Variants in ADAMTS3 observed in about 807,000 individuals in gnomAD.
The protein encoded by ADAMTS3 is ADAM metallopeptidase with thrombospondin type 1 motif 3.
In ADAMTS3, 73 loss-of-function variants were observed where a neutral mutation model predicts 129.0. The ratio of observed to expected loss-of-function variants is 0.57; its 90% CI spans 0.47 to 0.69. The LOEUF (loss-of-function observed/expected upper bound fraction) is 0.69. ADAMTS3 is among the 30% of genes least tolerant of loss of function. ADAMTS3 has a pLI of 0.00. For synonymous variants in ADAMTS3, 477 were observed against 510.8 expected, an observed-to-expected ratio of 0.93 and a Z score of 0.89; for missense variants, 1,457 against 1,514.5, an observed-to-expected ratio of 0.96 and a Z score of 0.63.
Position 72,306,073 on chromosome 4 carries a change from C to A in ADAMTS3, c.2180-6G>T. Reference sequence around the variant, plus strand: ...ATCAAACATCTTAAGGTACCCTTTGCATGTGTAGTAAATATTGTAGGAAGC... The same window carrying A: ...ATCAAACATCTTAAGGTACCCTTTGAATGTGTAGTAAATATTGTAGGAAGC... On this transcript the variant is annotated splice_region_variant and splice_polypyrimidine_tract_variant and intron_variant, in intron 15 of 21. Transcript: ENST00000286657. The A allele has an allele frequency of 6.3e-7, 1 of 1,595,104 alleles. No individual in the cohort carries two copies. The highest frequency in any genetic ancestry group is 1.1e-5 in the South Asian group (1 of 88,442).
intron 17 of ADAMTS3, among the ~76,000 whole-genome samples, chr4:72,299,507 C>T (rs185838987): frequency 3.3e-5 from 5 of 152,224 alleles, no homozygotes; most frequent in African/African-American, 9.6e-5. Flanking sequence ...GGATTTCTGG[C>T]GTTTCTTAGT....
intron 4 of ADAMTS3, among the ~76,000 whole-genome samples, chr4:72,414,361 C>A (rs1865381): frequency 0.67 from 101,591 of 151,630 alleles, 34,652 homozygotes; most frequent in South Asian, 0.8. Context: ...AAAGTTTTGC[C>A]AAATAGATTT....
At chr4:72,518,701 T>G (rs1720568506) in intron 3 of ADAMTS3, among the ~76,000 whole-genome samples, 1 of 152,018 alleles carries the variant, frequency 6.6e-6, no homozygotes. Flanking sequence ...CAGATCTTCC[T>G]CTATCCTTTT....
At chr4:72,413,175 G>C (rs901211621) in intron 4 of ADAMTS3, among the ~76,000 whole-genome samples, 3 of 151,948 alleles carry the variant, frequency 2.0e-5, no homozygotes, top group African/African-American at 7.2e-5. Context: ...TTGAAATGTA[G>C]TAATAGGGTA....
chr4:72,388,765 T>A (rs1485130462), intron 4 of ADAMTS3, among the ~76,000 whole-genome samples: 2 of 152,096 alleles, frequency 1.3e-5, no homozygotes, highest in Non-Finnish European at 1.5e-5. Flanking sequence ...CAGCATATAG[T>A]CCTGTTCATG....
chr4:72,475,155 G>C (rs896180511), intron 3 of ADAMTS3, among the ~76,000 whole-genome samples: 6 of 151,808 alleles, frequency 4.0e-5, no homozygotes, highest in Non-Finnish European at 5.9e-5. Context: ...CCAAACTTAA[G>C]CCCTAACATA....
intron 4 of ADAMTS3, among the ~76,000 whole-genome samples, chr4:72,383,102 CTTTT>C: frequency 6.8e-6 from 1 of 146,482 alleles, no homozygotes; most frequent in African/African-American, 2.5e-5. Context: ...AGAAGGAATG[CTTTT>C]TTTTTTTTCT....
At chr4:72,421,081 G>A (rs1324246972) in intron 3 of ADAMTS3, among the ~76,000 whole-genome samples, 1 of 152,214 alleles carries the variant, frequency 6.6e-6, no homozygotes, top group Non-Finnish European at 1.5e-5. Flanking sequence ...TCCATATAAC[G>A]TTAGGAAACT....
At chr4:72,470,365 A>ATATATATG (rs1553917050) in intron 3 of ADAMTS3, among the ~76,000 whole-genome samples, 1 of 142,572 alleles carries the variant, frequency 7.0e-6, no homozygotes, top group Non-Finnish European at 1.5e-5. Context: ...TTAAGTTTAT[A>ATATATATG]TATATATATA....
intron 3 of ADAMTS3, among the ~76,000 whole-genome samples, chr4:72,483,364 T>C (rs560161797): frequency 9.2e-5 from 14 of 152,296 alleles, no homozygotes; most frequent in Admixed American, 3.3e-4. Flanking sequence ...ATAAATCTGA[T>C]TTTAAAAGCT....
In ADAMTS3 at chr4:72,283,423, C is replaced by T. The variant is rs1180119030; in HGVS notation, c.3331G>A (p.Gly1111Ser). The T allele has an allele frequency of 2.4e-5, 39 of 1,613,916 alleles. No homozygotes were observed. Among genetic ancestry groups the T allele is most frequent in the Non-Finnish European group, 3.1e-5 (37 of 1,179,978 alleles). Reference sequence around the variant, plus strand: ...CTGAAAGCAGCATATGCATTTGGACCTCCCACTGAAGAGATGCTACTCAAA... The same window carrying T: ...CTGAAAGCAGCATATGCATTTGGACTTCCCACTGAAGAGATGCTACTCAAA... Reference protein sequence around the residue: ...MSLSSISSVGGPNAYAAFRPN... With the variant: ...MSLSSISSVGSPNAYAAFRPN... Residue 1111 changes from glycine (G) to serine (S), a missense_variant, in exon 22 of 22, where the codon GGT becomes AGT. Coordinates refer to ENST00000286657, the MANE Select transcript of ADAMTS3 (RefSeq NM_014243.3).
chr4:72,556,517 G>T (rs2623535), intron 2 of ADAMTS3, among the ~76,000 whole-genome samples: 12 of 151,732 alleles, frequency 7.9e-5, no homozygotes, highest in African/African-American at 1.7e-4. Context: ...AATTTTTAAG[G>T]GTCTAATCAA....
At chr4:72,486,857 T>C (rs1386868881) in intron 3 of ADAMTS3, among the ~76,000 whole-genome samples, 1 of 152,188 alleles carries the variant, frequency 6.6e-6, no homozygotes, top group East Asian at 1.9e-4. Flanking sequence ...ATCACTTCCT[T>C]ATTCCCCCTC....
At chr4:72,349,896 G>C (rs1720384048) in intron 4 of ADAMTS3, among the ~76,000 whole-genome samples, 1 of 151,892 alleles carries the variant, frequency 6.6e-6, no homozygotes, top group Non-Finnish European at 1.5e-5. Context: ...TTGCTTATTT[G>C]AATAATACTG....
chr4:72,516,301 G>T (rs183294607), intron 3 of ADAMTS3, among the ~76,000 whole-genome samples: 4 of 152,080 alleles, frequency 2.6e-5, no homozygotes, highest in African/African-American at 9.7e-5. Context: ...TTTAGCTTAG[G>T]ATTGACTTGG....
chr4:72,321,067 C>T (rs1232481800), intron 6 of ADAMTS3, among the ~76,000 whole-genome samples, 197 bp from the exon 7 acceptor site: 1 of 152,134 alleles, frequency 6.6e-6, no homozygotes, highest in Non-Finnish European at 1.5e-5. Context: ...TCAATTTTAC[C>T]TGTGTGAAAG....
chr4:72,473,580 T>C (rs1044508427), intron 3 of ADAMTS3, among the ~76,000 whole-genome samples: 1 of 149,570 alleles, frequency 6.7e-6, no homozygotes, highest in Non-Finnish European at 1.5e-5. Context: ...ACGGTCCTAC[T>C]ACATTCACAC....
At chr4:72,524,899 T>G (rs1371002563) in intron 3 of ADAMTS3, among the ~76,000 whole-genome samples, 1 of 152,138 alleles carries the variant, frequency 6.6e-6, no homozygotes, top group East Asian at 1.9e-4. Flanking sequence ...TAAGACCTCT[T>G]TGAAGTACTC....
intron 4 of ADAMTS3, 139 bp downstream of exon 4, chr4:72,414,676 T>C (rs1368090662): frequency 1.7e-6 from 1 of 600,040 alleles, no homozygotes; most frequent in Non-Finnish European, 2.5e-6. Flanking sequence ...CATTTCATGA[T>C]TTATAAATGT....
Sources: allele counts gnomAD v4.1 joint callset (sites outside exome capture counted in the v4.1 genomes callset), GRCh38; gene constraint gnomAD v4.1.1; transcripts MANE v1.5; gene names NCBI Gene and HGNC (gene_info 2026-07-23, HGNC 2026-07-21).